The following MKNK1 variants were observed in gnomAD, a reference collection of about 807,000 sequenced individuals.
The protein encoded by MKNK1 is MAP kinase-interacting serine/threonine-protein kinase 1.
In MKNK1, 30 loss-of-function variants were observed where a neutral mutation model predicts 49.3. The ratio of observed to expected loss-of-function variants is 0.61; its 90% CI spans 0.46 to 0.83. MKNK1 has a LOEUF of 0.83. Among genes scored for constraint, MKNK1 ranks in the 40% least tolerant of loss-of-function variants. MKNK1 has a pLI of 0.00. For synonymous variants in MKNK1, 176 were observed against 201.7 expected (o/e 0.87, Z 1.08); for missense variants, 423 against 524.7 (o/e 0.81, Z 1.89).
chr1:46,583,242 G>A lies in MKNK1; in HGVS notation c.86C>T (p.Pro29Leu). The change falls in exon 3 of 13, where the codon CCA becomes CTA. Residue 29 changes from proline (P) to leucine (L), a missense_variant. Coordinates refer to ENST00000371945, the MANE Select transcript of MKNK1 (RefSeq NM_001135553.4). ...KRRGRATDSL[P>L]GKFEDMYKLT... ...GTGTGACCAACCTTCAAACTTTCCT[G>A]GCAAGGAGTCAGTGGCCCGGCCCCT... The A allele has an allele frequency of 6.2e-7, 1 of 1,613,942 alleles. No homozygotes were observed. The highest frequency in any genetic ancestry group is 1.3e-5 in the African/African-American group (1 of 75,026).
At chr1:46,572,308 GTTCAAGCGATTC>G (rs755189018) in intron 6 of MKNK1, 141 bp from the exon 7 acceptor site, 4 of 586,706 alleles carry the variant, frequency 6.8e-6, no homozygotes, top group Non-Finnish European at 1.2e-5. Context: ...CCGCCTCCGG[GTTCAAGCGATTC>G]TCCTGTCTCA....
At chr1:46,581,337 C>G (rs1180125555) in intron 3 of MKNK1, among the ~76,000 whole-genome samples, 1 of 151,794 alleles carries the variant, frequency 6.6e-6, no homozygotes, top group Admixed American at 6.6e-5. Flanking sequence ...GTGGGAAACC[C>G]CGTCTCTACT....
Position 46,585,614 on chromosome 1 carries a change from T to C in MKNK1, c.-2-2285A>G, listed in dbSNP as rs1412880513. 1.4e-4 allele frequency: 48 copies of C among 340,362 alleles called. No individual in the cohort carries two copies. In the Admixed American group the frequency reaches 1.8e-3, roughly 13 times the overall value. The allele number at this position is 340,362 out of a possible 1,614,324, so 21.1% of individuals were successfully genotyped here. ...CTTTCTCCTTCCCCTGTCCACACTT[T>C]GATGGAGGGCCCCAGGACAAGCAAA... is the stretch of plus-strand genomic sequence containing the variant. On this transcript the variant is annotated intron_variant, in intron 2 of 12. Coordinates refer to ENST00000371945, the MANE Select transcript of MKNK1 (RefSeq NM_001135553.4).
chr1:46,583,024 C>A, intron 3 of MKNK1: 1 of 676,258 alleles, frequency 1.5e-6, no homozygotes, highest in Non-Finnish European at 2.7e-6. Context: ...GCCAGTGCAT[C>A]ATCTGAGAGC....
chr1:46,590,897 C>T (rs1430027003), intron 2 of MKNK1, among the ~76,000 whole-genome samples: 3 of 152,258 alleles, frequency 2.0e-5, no homozygotes, highest in Non-Finnish European at 4.4e-5. Context: ...ACATTATCAT[C>T]GTCCTATTAA....
chr1:46,562,475 G>A (rs117416419), intron 10 of MKNK1, among the ~76,000 whole-genome samples, 174 bp downstream of exon 10: 3 of 151,588 alleles, frequency 2.0e-5, no homozygotes, highest in South Asian at 2.1e-4. Context: ...CCAGCTGGGC[G>A]GAGTGTCTGA....
intron 2 of MKNK1, among the ~76,000 whole-genome samples, chr1:46,590,361 G>A (rs1156843492): frequency 6.6e-6 from 1 of 152,192 alleles, no homozygotes; most frequent in East Asian, 1.9e-4. Context: ...ACTACTCCTA[G>A]TAGTGACATT....
rs1674785886 is a variant in MKNK1, at chr1:46,601,959, G to A, written c.-171+2226C>T. 3.3e-5 allele frequency among the ~76,000 whole-genome samples: 5 copies of A among 152,302 alleles called. No homozygotes were observed. The South Asian group carries it at 6.2e-4, about 19-fold the overall frequency. On this transcript the variant is annotated intron_variant, in intron 1 of 12. Transcript: ENST00000371945. ...AGCCTTTGCTACAGAAGATGGAAAG[G>A]GGAACAACTAATCCAGCAGAAGGCT...
chr1:46,573,269 G>GGAC (rs1302312035), intron 6 of MKNK1, among the ~76,000 whole-genome samples: 3 of 152,196 alleles, frequency 2.0e-5, no homozygotes, highest in Non-Finnish European at 4.4e-5. Flanking sequence ...CTGCAGGGAT[G>GGAC]GACTCTCTTG....
chr1:46,576,973 C>T (rs772024901), intron 4 of MKNK1, among the ~76,000 whole-genome samples: 40 of 152,248 alleles, frequency 2.6e-4, no homozygotes, highest in Non-Finnish European at 4.8e-4. Flanking sequence ...CTCAGCTCCA[C>T]CTCCTGTGGA....
chr1:46,596,174 T>TTG (rs1421015159), intron 1 of MKNK1, among the ~76,000 whole-genome samples: 3 of 152,248 alleles, frequency 2.0e-5, no homozygotes, highest in Non-Finnish European at 4.4e-5. Flanking sequence ...ATTTTAAGCT[T>TTG]TGTGTGTCAC....
At position 46,571,754 on chromosome 1, in the gene MKNK1, G is replaced by C. The variant is rs111431123; in HGVS notation, c.457+309C>G. On this transcript the variant is annotated intron_variant, in intron 7 of 12. Coordinates refer to ENST00000371945, the MANE Select transcript of MKNK1 (RefSeq NM_001135553.4). ...CTCACACGATAAGAATCTAAGAAAA[G>C]AAACATCATCCACACACAGTCACAC... 1.9e-4 allele frequency among the ~76,000 whole-genome samples: 29 copies of C among 152,188 alleles called. 1 individual carries two copies. The highest frequency in any genetic ancestry group is 6.3e-4 in the African/African-American group (26 of 41,542).
At chr1:46,580,405 A>T in intron 4 of MKNK1, 125 bp downstream of exon 4, 1 of 718,346 alleles carries the variant, frequency 1.4e-6, no homozygotes, top group Non-Finnish European at 2.4e-6. Context: ...AGAAACCAAG[A>T]TTTGAATCCA....
chr1:46,585,929 G>A, intron 2 of MKNK1: 1 of 1,365,960 alleles, frequency 7.3e-7, no homozygotes, highest in East Asian at 4.5e-5. Flanking sequence ...GGGACAAATG[G>A]TTAAGACTTT....
At chr1:46,561,091 A>G (rs1375450995) in intron 11 of MKNK1, among the ~76,000 whole-genome samples, 2 of 152,144 alleles carry the variant, frequency 1.3e-5, no homozygotes, top group African/African-American at 4.8e-5. Flanking sequence ...ATGTGCCCCA[A>G]CTCGGCCACA....
chr1:46,576,274 A>G (rs1670937151), intron 5 of MKNK1: 2 of 328,906 alleles, frequency 6.1e-6, no homozygotes. Context: ...CCTAGTTTCC[A>G]CAGGTACCGA....
At chr1:46,573,380 C>T (rs1262724471) in intron 6 of MKNK1, among the ~76,000 whole-genome samples, 1 of 152,180 alleles carries the variant, frequency 6.6e-6, no homozygotes, top group African/African-American at 2.4e-5. Flanking sequence ...ATGTAATTAA[C>T]AGTCAGTCAT....
chr1:46,574,938 G>A lies in MKNK1; in HGVS notation c.352+9C>T, dbSNP rs983232346. The A allele has an allele frequency of 1.8e-5, 28 of 1,595,676 alleles. No homozygotes were observed. The highest frequency in any genetic ancestry group is 5.4e-5 in the African/African-American group (4 of 74,446). On this transcript the variant is annotated intron_variant, in intron 6 of 12. Transcript: ENST00000371945. ...TCAGAAGTCCACACACATACTCAAC[G>A]GTAAGTACCTCCTTGCAATTTCTCA...
chr1:46,566,472 A>G (rs183684246), intron 8 of MKNK1, among the ~76,000 whole-genome samples: 1 of 152,296 alleles, frequency 6.6e-6, no homozygotes, highest in East Asian at 1.9e-4. Context: ...CTGCTATACA[A>G]GTATCTGTTT....
Sources: allele counts gnomAD v4.1 joint callset (sites outside exome capture counted in the v4.1 genomes callset), GRCh38; gene constraint gnomAD v4.1.1; transcripts MANE v1.5; gene names NCBI Gene and HGNC (gene_info 2026-07-23, HGNC 2026-07-21).